The following RBFOX1 variants were observed in gnomAD, a reference collection of about 807,000 sequenced individuals.
The protein encoded by RBFOX1 is RNA binding protein fox-1 homolog 1.
In RBFOX1, 8 loss-of-function variants were observed where a neutral mutation model predicts 57.7. The ratio of observed to expected loss-of-function variants is 0.14; its 90% CI spans 0.08 to 0.25. The LOEUF is 0.25. Among genes scored for constraint, RBFOX1 ranks in the 10% least tolerant of loss-of-function variants. The pLI, the probability that RBFOX1 is intolerant of heterozygous loss-of-function variation, is 1.00. For missense variants in RBFOX1, 611 were observed against 548.5 expected, an observed-to-expected ratio of 1.11 and a Z score of -1.14; for synonymous variants, 326 against 222.4, an observed-to-expected ratio of 1.47 and a Z score of -4.15.
At chr16:6,661,541 G>A (rs144172891) in intron 3 of RBFOX1, among the ~76,000 whole-genome samples, 7 of 152,274 alleles carry the variant, frequency 4.6e-5, no homozygotes, top group African/African-American at 1.7e-4. Flanking sequence ...TATGGGGCCA[G>A]AGTTACACAG....
At chr16:7,397,385 G>C (rs926727038) in intron 4 of RBFOX1, among the ~76,000 whole-genome samples, 3 of 152,118 alleles carry the variant, frequency 2.0e-5, no homozygotes, top group African/African-American at 7.2e-5. Context: ...GTCTATGAAC[G>C]TTGGCTTATA....
Position 7,177,709 on chromosome 16 carries a change from T to A in RBFOX1, c.27+125611T>A, listed in dbSNP as rs541497082. ...AGGACAGGGGTCAGCAAATCTCTTCTGTGAGGAGCCAGGTCATAAATATTT... is the reference window on the plus strand; with the variant it reads ...AGGACAGGGGTCAGCAAATCTCTTCAGTGAGGAGCCAGGTCATAAATATTT... On this transcript the variant is annotated intron_variant, in intron 4 of 15. Coordinates refer to ENST00000550418, the MANE Select transcript of RBFOX1 (RefSeq NM_018723.4). Among the ~76,000 whole-genome samples the A allele has an allele frequency of 2.0e-5, 3 of 152,316 alleles. No homozygotes were observed. In the East Asian group the frequency reaches 5.8e-4, roughly 29 times the overall value.
chr16:7,205,504 C>T (rs561159105), intron 4 of RBFOX1, among the ~76,000 whole-genome samples: 9 of 145,298 alleles, frequency 6.2e-5, no homozygotes, highest in Non-Finnish European at 1.2e-4. Context: ...TAGAGTGAGA[C>T]TCTGTCTCAG....
chr16:6,358,975 C>T (rs777195575), intron 2 of RBFOX1, among the ~76,000 whole-genome samples: 8 of 152,204 alleles, frequency 5.3e-5, no homozygotes, highest in African/African-American at 1.7e-4. Flanking sequence ...ATTGCTCTGT[C>T]GGCGCCTATA....
At chr16:6,566,094 C>T (rs1466720372) in intron 2 of RBFOX1, among the ~76,000 whole-genome samples, 2 of 152,154 alleles carry the variant, frequency 1.3e-5, no homozygotes, top group Admixed American at 6.6e-5. Context: ...GGTGTTATCC[C>T]AAAGTAATGT....
chr16:6,670,861 A>T (rs1310118214), intron 3 of RBFOX1, among the ~76,000 whole-genome samples: 2 of 151,344 alleles, frequency 1.3e-5, no homozygotes, highest in East Asian at 1.9e-4. Context: ...TTAGCCGGGC[A>T]TGGTGGCGGG....
intron 2 of RBFOX1, among the ~76,000 whole-genome samples, chr16:5,504,623 C>T (rs1023272350): frequency 2.0e-5 from 3 of 152,324 alleles, no homozygotes; most frequent in East Asian, 3.9e-4. Flanking sequence ...GCAAGTAAAC[C>T]AGGCACAAGC....
chr16:6,712,833 C>CTCAT (rs1376130791), intron 3 of RBFOX1, among the ~76,000 whole-genome samples: 1 of 151,236 alleles, frequency 6.6e-6, no homozygotes, highest in East Asian at 1.9e-4. Context: ...TCTCATCACC[C>CTCAT]TCATGTGTCA....
intron 3 of RBFOX1, among the ~76,000 whole-genome samples, chr16:6,937,887 G>A (rs2077642796): frequency 6.7e-6 from 1 of 148,642 alleles, no homozygotes; most frequent in African/African-American, 2.5e-5. Flanking sequence ...AAAGGGAGAT[G>A]GGTATCATGA....
intron 4 of RBFOX1, among the ~76,000 whole-genome samples, chr16:7,095,365 T>G (rs1256078031): frequency 6.6e-6 from 1 of 152,204 alleles, no homozygotes; most frequent in Non-Finnish European, 1.5e-5. Context: ...CTCGAACTCC[T>G]GACCTCAGGT....
At chr16:7,274,110 C>G (rs375010310) in intron 4 of RBFOX1, among the ~76,000 whole-genome samples, 22 of 152,136 alleles carry the variant, frequency 1.4e-4, no homozygotes, top group East Asian at 9.6e-4. Context: ...ATCCAGGAAA[C>G]CAATTGAGAT....
chr16:7,654,993 G>T (rs961123288), intron 12 of RBFOX1, among the ~76,000 whole-genome samples: 3 of 152,128 alleles, frequency 2.0e-5, no homozygotes, highest in Admixed American at 2.0e-4. Context: ...GGCTTCCCTG[G>T]CCAGTGACTG....
At chr16:5,398,892 A>G (rs1295332366) in intron 1 of RBFOX1, among the ~76,000 whole-genome samples, 1 of 152,130 alleles carries the variant, frequency 6.6e-6, no homozygotes, top group East Asian at 1.9e-4. Context: ...ACCCTATTAA[A>G]CGCTTCATTA....
intron 3 of RBFOX1, among the ~76,000 whole-genome samples, chr16:6,916,216 G>T (rs571046038): frequency 6.6e-6 from 1 of 152,128 alleles, no homozygotes; most frequent in Non-Finnish European, 1.5e-5. Flanking sequence ...AGGCATTCAC[G>T]GAGCTGGGAC....
intron 1 of RBFOX1, among the ~76,000 whole-genome samples, chr16:6,246,665 G>C (rs1358801380): frequency 2.6e-5 from 4 of 152,216 alleles, no homozygotes; most frequent in Non-Finnish European, 5.9e-5. Context: ...AGATGTCACA[G>C]TCATCTATGG....
chr16:5,979,429 A>G (rs910727121), intron 4 of RBFOX1, among the ~76,000 whole-genome samples: 5 of 152,236 alleles, frequency 3.3e-5, no homozygotes, highest in East Asian at 1.9e-4. Context: ...CATTCATTCA[A>G]TGTGATTAGT....
At chr16:5,897,588 G>A (rs1161031755) in intron 4 of RBFOX1, among the ~76,000 whole-genome samples, 1 of 152,166 alleles carries the variant, frequency 6.6e-6, no homozygotes, top group African/African-American at 2.4e-5. Context: ...GAGAAACTCT[G>A]TGTTAGCAGG....
chr16:7,000,596 C>CTTTTTTTTT (rs759103545), intron 3 of RBFOX1, among the ~76,000 whole-genome samples: 44 of 92,556 alleles, frequency 4.8e-4, no homozygotes, highest in East Asian at 1.2e-3. Flanking sequence ...CTTTTTCTTT[C>CTTTTTTTTT]TTTTTTTTTT....
chr16:6,738,908 A>G (rs2071237223), intron 3 of RBFOX1, among the ~76,000 whole-genome samples: 1 of 152,252 alleles, frequency 6.6e-6, no homozygotes, highest in Non-Finnish European at 1.5e-5. Flanking sequence ...ATGAAGTCTC[A>G]TAATACATTT....
Sources: gnomAD v4.1 joint callset for allele counts (sites outside exome capture counted in the v4.1 genomes callset) on GRCh38, gnomAD v4.1.1 for gene constraint, MANE v1.5 for transcripts, NCBI Gene and HGNC (gene_info 2026-07-23, HGNC 2026-07-21) for gene names.